The following DENND3 variants were observed in gnomAD, a reference collection of about 807,000 sequenced individuals.
DENND3 encodes DENN domain containing 3, also known as DENN domain-containing protein 3.
Under a neutral mutation model 135.1 loss-of-function variants are expected in DENND3, and 88 were observed. The ratio of observed to expected loss-of-function variants is 0.65; its 90% CI spans 0.55 to 0.78. The LOEUF (loss-of-function observed/expected upper bound fraction) is 0.78, where lower values mean the gene tolerates loss of function less well. DENND3 is among the 30% of genes least tolerant of loss of function. The pLI is 0.00. For synonymous variants in DENND3, 693 were observed against 712.3 expected (o/e 0.97, Z 0.43); for missense variants, 1,392 against 1,688.4 (o/e 0.82, Z 3.08).
rs139465999 is a variant in DENND3 at position 141,166,440 on chromosome 8, C to A, written c.1753+51C>A. On this transcript the variant is annotated intron_variant, in intron 12 of 22. Transcript: ENST00000519811. The surrounding 1 kb of genome is among the most constrained non-coding windows in gnomAD (Gnocchi z 4.3). The stretch of plus-strand genomic sequence containing the variant: ...CTGTGTGTCGGTCCCACCATTCCTG[C>A]ACCTGCAAGTCATTGAGCAAAACTG... 1.3e-6 allele frequency: 2 copies of A among 1,552,658 alleles called. No individual in the cohort carries two copies. The highest frequency in any genetic ancestry group is 1.7e-6 in the Non-Finnish European group (2 of 1,150,804).
Position 141,160,668 on chromosome 8 carries a change from C to T in DENND3, c.1233C>T (p.Ala411=), listed in dbSNP as rs771387193. 1.5e-5 allele frequency: 24 copies of T among 1,611,338 alleles called. No homozygotes were observed. The highest frequency in any genetic ancestry group is 3.4e-4 in the Middle Eastern group (2 of 5,820). Residue 411 remains alanine, a synonymous_variant, in exon 9 of 23, where the codon GCC becomes GCT. Coordinates refer to ENST00000519811, the MANE Select transcript of DENND3 (RefSeq NM_001352890.3). The stretch of plus-strand genomic sequence containing the variant: ...TCCAGCTCCACCATGAGCTGCACGC[C>T]GCCCACCTCCTCTCCAGCACAGACC... ...QSLQLHHELH[A]AHLLSSTDLK...
In DENND3 at chr8:141,189,035, A is replaced by T; in HGVS notation, c.3134A>T (p.Asp1045Val). ...AACCAGGTGTGGGTTGGCTCGGAAGACTCCGTCATCTACATCATCAACGTC... is the reference window on the plus strand; with the variant it reads ...AACCAGGTGTGGGTTGGCTCGGAAGTCTCCGTCATCTACATCATCAACGTC... ...DQNQVWVGSE[D>V]SVIYIINVHS... is the part of the protein sequence containing the mutation. The change falls in exon 19 of 23, where the codon GAC (aspartate) becomes GTC (valine). Residue 1045 changes from aspartate to valine, a missense_variant. Coordinates refer to ENST00000519811, the MANE Select transcript of DENND3 (RefSeq NM_001352890.3). 2 of 1,614,088 alleles carry T rather than the reference A, an allele frequency of 1.2e-6. No individual in the cohort carries two copies. The highest frequency in any genetic ancestry group is 1.7e-6 in the Non-Finnish European group (2 of 1,179,990).
At chr8:141,165,984 A>C (rs776474327) in intron 11 of DENND3, among the ~76,000 whole-genome samples, 3 of 151,652 alleles carry the variant, frequency 2.0e-5, no homozygotes, top group Non-Finnish European at 2.9e-5. Flanking sequence ...CTGTTGGCTT[A>C]TGCTGGTTTC....
intron 4 of DENND3, chr8:141,142,550 T>G: frequency 2.8e-6 from 1 of 357,804 alleles, no homozygotes; most frequent in Non-Finnish European, 5.5e-6. Flanking sequence ...CTTTTGGACA[T>G]AGTTTGGGTC....
At chr8:141,169,033 A>G (rs1056636908) in intron 13 of DENND3, among the ~76,000 whole-genome samples, 1 of 148,484 alleles carries the variant, frequency 6.7e-6, no homozygotes, top group African/African-American at 2.5e-5. Context: ...TAATTTTTGT[A>G]TTTTTGTAGA....
chr8:141,188,740 T>C, intron 18 of DENND3: 1 of 474,984 alleles, frequency 2.1e-6, no homozygotes, highest in Non-Finnish European at 3.6e-6. Flanking sequence ...GTGGGTTTCG[T>C]GTTAATGAAT....
rs1317439404 is a variant in DENND3, at chr8:141,155,124, C to T, written c.1075-725C>T. On this transcript the variant is annotated intron_variant, in intron 7 of 22. Coordinates refer to ENST00000519811, the MANE Select transcript of DENND3 (RefSeq NM_001352890.3). ...GATTAGTGGGCTTGTGGAGGGGAGG[C>T]TGGGAGCTGTGCTGGATAGTGAGTC... Among the ~76,000 whole-genome samples, 4 of 152,040 alleles carry T rather than the reference C, an allele frequency of 2.6e-5. No homozygotes were observed. The East Asian group carries it at 7.7e-4, about 29-fold the overall frequency.
intron 20 of DENND3, chr8:141,190,729 A>T (rs977622900): frequency 7.0e-6 from 2 of 284,028 alleles, no homozygotes; most frequent in African/African-American, 4.4e-5. Flanking sequence ...AAGCTGGCCC[A>T]TGTGTCCCCC....
chr8:141,150,974 G>A (rs377301214), intron 6 of DENND3, 21 bp downstream of exon 6: 19 of 1,509,762 alleles, frequency 1.3e-5, no homozygotes, highest in African/African-American at 2.8e-5. Context: ...CCGCCCCGGC[G>A]AGCGCGTCTT....
intron 13 of DENND3, among the ~76,000 whole-genome samples, chr8:141,172,442 T>C (rs1388193693): frequency 6.6e-6 from 1 of 152,160 alleles, no homozygotes; most frequent in Non-Finnish European, 1.5e-5. Context: ...CTGAGCGCCC[T>C]CACACTGAGG....
rs1816007277 is a variant in DENND3 at position 141,130,954 on chromosome 8, G to A, written c.102+2145G>A. Among the ~76,000 whole-genome samples, 4 of 151,968 alleles carry A rather than the reference G, an allele frequency of 2.6e-5. No homozygotes were observed. Among genetic ancestry groups the A allele is most frequent in the Admixed American group, 2.0e-4 (3 of 15,260 alleles). The stretch of plus-strand genomic sequence containing the variant: ...CCCGCCTCGGCCTCCCAAAGTGTTG[G>A]GATTATAGGTGTGAGCCACCGCACC... On this transcript the variant is annotated intron_variant, in intron 1 of 22. Coordinates refer to ENST00000519811, the MANE Select transcript of DENND3 (RefSeq NM_001352890.3). This position sits in a 1 kb window ranked among gnomAD's most constrained non-coding sequence, Gnocchi z 4.2.
Position 141,137,123 on chromosome 8 carries a change from G to A in DENND3, c.385+332G>A, listed in dbSNP as rs992660288. 1.3e-5 allele frequency among the ~76,000 whole-genome samples: 2 copies of A among 152,054 alleles called. No homozygotes were observed. Among genetic ancestry groups the A allele is most frequent in the Non-Finnish European group, 2.9e-5 (2 of 68,016 alleles). ...GCCTCTCAAGTAGCTGGGATTACAGGTGCCAACCACCACGCCTGGCTAACT... is the reference window on the plus strand; with the variant it reads ...GCCTCTCAAGTAGCTGGGATTACAGATGCCAACCACCACGCCTGGCTAACT... On this transcript the variant is annotated intron_variant, in intron 2 of 22. Coordinates refer to ENST00000519811, the MANE Select transcript of DENND3 (RefSeq NM_001352890.3). The surrounding 1 kb of genome is among the most constrained non-coding windows in gnomAD (Gnocchi z 4.1).
At position 141,130,815 on chromosome 8, in the gene DENND3, TAG is replaced by T. The variant is rs1171086759; in HGVS notation, c.102+2007_102+2008del. 6.6e-6 allele frequency among the ~76,000 whole-genome samples: 1 copy of T among 151,978 alleles called. No individual in the cohort carries two copies. Among genetic ancestry groups the T allele is most frequent in the South Asian group, 2.1e-4 (1 of 4,806 alleles). The stretch of plus-strand genomic sequence containing the variant: ...AATTCTCCTGCCTCAGCCTCCTAAG[TAG>T]CTGGGATTACAGGCGTGTGCCACCA... On this transcript the variant is annotated intron_variant, in intron 1 of 22. Coordinates refer to ENST00000519811, the MANE Select transcript of DENND3 (RefSeq NM_001352890.3). This position sits in a 1 kb window ranked among gnomAD's most constrained non-coding sequence, Gnocchi z 4.2.
chr8:141,151,314 A>T (rs1367314067), intron 6 of DENND3, among the ~76,000 whole-genome samples: 1 of 152,156 alleles, frequency 6.6e-6, no homozygotes, highest in African/African-American at 2.4e-5. Flanking sequence ...TAATCCCAGT[A>T]CTTTGGGAGG....
In DENND3 at chr8:141,139,484, C is replaced by T. The variant is rs540072182; in HGVS notation, c.501+1347C>T. On this transcript the variant is annotated intron_variant, in intron 3 of 22. Transcript: ENST00000519811. This position sits in a 1 kb window ranked among gnomAD's most constrained non-coding sequence, Gnocchi z 4.2. ...TCGGGCGGTGCATGCAGGGGACCAG[C>T]GTCCGCCTCTGTGACCTGGCTGCCA... Among the ~76,000 whole-genome samples, 325 of 152,288 alleles carry T rather than the reference C, an allele frequency of 2.1e-3. 2 individuals carry two copies. The highest frequency in any genetic ancestry group is 7.6e-3 in the African/African-American group (315 of 41,552).
intron 8 of DENND3, among the ~76,000 whole-genome samples, chr8:141,160,176 A>ATT (rs754210850): frequency 2.8e-5 from 3 of 107,046 alleles, no homozygotes; most frequent in Admixed American, 1.1e-4. Context: ...CCAGCGATGT[A>ATT]TTTTTTTTTT....
intron 19 of DENND3, 67 bp from the exon 20 acceptor site, chr8:141,190,217 G>A: frequency 6.8e-7 from 1 of 1,463,768 alleles, no homozygotes; most frequent in Non-Finnish European, 9.0e-7. Context: ...TCTCTCTTGG[G>A]TTAAAATGTG....
At chr8:141,136,450 G>A in intron 1 of DENND3, 59 bp from the exon 2 acceptor site, 1 of 1,464,502 alleles carries the variant, frequency 6.8e-7, no homozygotes. Context: ...CAGACAGAAA[G>A]GATACCCTCG....
intron 13 of DENND3, among the ~76,000 whole-genome samples, chr8:141,173,047 C>T (rs1347924000): frequency 1.3e-5 from 2 of 151,632 alleles, no homozygotes; most frequent in African/African-American, 2.4e-5. Context: ...CAGTCAGAGG[C>T]GGAGGTGGCT....
Sources: allele counts gnomAD v4.1 joint callset (sites outside exome capture counted in the v4.1 genomes callset), GRCh38; gene constraint gnomAD v4.1.1; non-coding constraint Gnocchi (gnomAD v3.1); transcripts MANE v1.5; gene names NCBI Gene and HGNC (gene_info 2026-07-23, HGNC 2026-07-21).